The following PRKG1 variants were observed in gnomAD, a reference collection of about 807,000 sequenced individuals.
PRKG1 encodes the protein protein kinase cGMP-dependent 1, also known as cGMP-dependent protein kinase 1.
PRKG1 carries 35 observed loss-of-function variants against 88.1 expected under a neutral mutation model. The ratio of observed to expected loss-of-function variants is 0.40; its 90% confidence interval spans 0.30 to 0.53. The LOEUF is 0.53. PRKG1 is among the 20% of genes least tolerant of loss of function. The probability of loss-of-function intolerance (pLI) is 0.59; values close to 1 mark genes in which losing one functional copy is unlikely to be tolerated. For missense variants in PRKG1, 540 were observed against 839.8 expected, an observed-to-expected ratio of 0.64 and a Z score of 4.41; for synonymous variants, 303 against 292.5, an observed-to-expected ratio of 1.04 and a Z score of -0.37.
chr10:51,155,046 C>T (rs747209651), intron 2 of PRKG1, among the ~76,000 whole-genome samples: 4 of 151,984 alleles, frequency 2.6e-5, no homozygotes, highest in African/African-American at 9.7e-5. Flanking sequence ...TATTGGTCAG[C>T]ACCTTTTAAT....
intron 2 of PRKG1, among the ~76,000 whole-genome samples, chr10:51,284,439 C>T (rs999355664): frequency 9.2e-5 from 14 of 152,054 alleles, no homozygotes; most frequent in Non-Finnish European, 2.1e-4. Flanking sequence ...AACTCAGGGC[C>T]GATTTTCCTC....
chr10:51,260,147 A>G (rs1839666532), intron 2 of PRKG1, among the ~76,000 whole-genome samples: 1 of 152,098 alleles, frequency 6.6e-6, no homozygotes, highest in African/African-American at 2.4e-5. Context: ...TGCCAATTCC[A>G]TTGCTCTTCA....
At chr10:51,679,891 A>G in intron 3 of PRKG1, among the ~76,000 whole-genome samples, 1 of 97,270 alleles carries the variant, frequency 1.0e-5, no homozygotes, top group South Asian at 3.9e-4. Context: ...ACCCCACCAC[A>G]GTCCCCAGAG....
chr10:51,477,982 G>A (rs563449948), intron 3 of PRKG1, among the ~76,000 whole-genome samples: 2 of 152,146 alleles, frequency 1.3e-5, no homozygotes, highest in East Asian at 3.9e-4. Flanking sequence ...GAATGACACA[G>A]GCTGGGCATT....
chr10:51,414,715 A>G (rs1207054210), intron 2 of PRKG1, among the ~76,000 whole-genome samples: 1 of 152,230 alleles, frequency 6.6e-6, no homozygotes, highest in Admixed American at 6.5e-5. Flanking sequence ...TATAAAATAC[A>G]TCAAACTGGA....
intron 3 of PRKG1, among the ~76,000 whole-genome samples, chr10:51,503,136 G>A (rs1841081410): frequency 6.6e-6 from 1 of 152,012 alleles, no homozygotes; most frequent in Admixed American, 6.6e-5. Context: ...CATCTTGAAC[G>A]TACCAAGTCC....
At chr10:51,887,763 C>A (rs1321600082) in intron 4 of PRKG1, among the ~76,000 whole-genome samples, 2 of 151,980 alleles carry the variant, frequency 1.3e-5, no homozygotes, top group Non-Finnish European at 2.9e-5. Flanking sequence ...AGTCTTTTGC[C>A]CAATTTTTAA....
At chr10:51,247,375 A>G (rs1264045793) in intron 2 of PRKG1, among the ~76,000 whole-genome samples, 1 of 152,070 alleles carries the variant, frequency 6.6e-6, no homozygotes, top group Non-Finnish European at 1.5e-5. Flanking sequence ...TATTTAAATC[A>G]GAAAATAAAG....
intron 1 of PRKG1, among the ~76,000 whole-genome samples, chr10:51,101,754 T>C (rs1195700746): frequency 6.6e-6 from 1 of 152,190 alleles, no homozygotes; most frequent in Non-Finnish European, 1.5e-5. Flanking sequence ...GAGAAACTTC[T>C]GATTATCAGA....
intron 3 of PRKG1, among the ~76,000 whole-genome samples, chr10:51,791,401 A>G (rs1030955513): frequency 6.6e-6 from 1 of 152,070 alleles, no homozygotes; most frequent in Non-Finnish European, 1.5e-5. Flanking sequence ...TCTGTTATAA[A>G]CAGCTCCTCT....
At chr10:51,063,816 C>A (rs187402211) in intron 1 of PRKG1, among the ~76,000 whole-genome samples, 1 of 152,042 alleles carries the variant, frequency 6.6e-6, no homozygotes, top group African/African-American at 2.4e-5. Context: ...CAAAGACACA[C>A]GGTGCTCAAT....
At chr10:51,391,226 T>C (rs1364435665) in intron 2 of PRKG1, among the ~76,000 whole-genome samples, 1 of 152,336 alleles carries the variant, frequency 6.6e-6, no homozygotes, top group East Asian at 1.9e-4. Context: ...ATTACTAGAA[T>C]GAATGATTAT....
intron 5 of PRKG1, among the ~76,000 whole-genome samples, chr10:51,994,699 C>T (rs1373848812): frequency 6.6e-6 from 1 of 152,142 alleles, no homozygotes. Flanking sequence ...ATTTCACAGC[C>T]TCCAGGAGGA....
At chr10:51,733,363 G>A (rs1279019055) in intron 3 of PRKG1, among the ~76,000 whole-genome samples, 1 of 152,148 alleles carries the variant, frequency 6.6e-6, no homozygotes, top group African/African-American at 2.4e-5. Flanking sequence ...TTGTGTGGGG[G>A]TGGTTGATAC....
intron 2 of PRKG1, among the ~76,000 whole-genome samples, chr10:51,213,618 C>G (rs989442600): frequency 6.6e-6 from 1 of 152,074 alleles, no homozygotes; most frequent in Admixed American, 6.6e-5. Context: ...AATAGCCATG[C>G]CTGGTGAAGT....
intron 3 of PRKG1, among the ~76,000 whole-genome samples, chr10:51,609,695 G>A (rs1024947642): frequency 5.9e-5 from 9 of 152,178 alleles, no homozygotes; most frequent in African/African-American, 2.2e-4. Context: ...GCAGGGACAT[G>A]GTTGAAGATG....
chr10:51,962,743 T>G (rs993713205), intron 5 of PRKG1, among the ~76,000 whole-genome samples: 1 of 152,214 alleles, frequency 6.6e-6, no homozygotes, highest in South Asian at 2.1e-4. Context: ...TCTAGGCACA[T>G]GTAGCTCCTG....
At chr10:51,679,168 C>T (rs1207567464) in intron 3 of PRKG1, among the ~76,000 whole-genome samples, 1 of 152,164 alleles carries the variant, frequency 6.6e-6, no homozygotes, top group Non-Finnish European at 1.5e-5. Context: ...TGTCCATGTG[C>T]TGAAAATCTA....
chr10:51,222,208 A>G (rs1272072825), intron 2 of PRKG1, among the ~76,000 whole-genome samples: 1 of 150,520 alleles, frequency 6.6e-6, no homozygotes, highest in East Asian at 2.0e-4. Context: ...TTCTATGGAA[A>G]AATTGGATTG....
Sources: gnomAD v4.1 joint callset for allele counts (sites outside exome capture counted in the v4.1 genomes callset) on GRCh38, gnomAD v4.1.1 for gene constraint, MANE v1.5 for transcripts, NCBI Gene and HGNC (gene_info 2026-07-23, HGNC 2026-07-21) for gene names.